CLASP1: variants seen among roughly 807,000 people sequenced by gnomAD.
The protein encoded by CLASP1 is CLIP-associating protein 1.
Under a neutral mutation model 192.3 loss-of-function variants are expected in CLASP1, and 38 were observed. That is an observed-to-expected ratio of 0.20 (90% CI 0.15 to 0.26). The LOEUF is 0.26. Ranked by LOEUF, CLASP1 falls within the 10% of genes least tolerant of loss-of-function variation. The pLI is 1.00. For synonymous variants in CLASP1, 691 were observed against 712.8 expected, an observed-to-expected ratio of 0.97 and a Z score of 0.49; for missense variants, 1,433 against 1,932.5, an observed-to-expected ratio of 0.74 and a Z score of 4.85.
chr2:121,401,500 A>G lies in CLASP1; in HGVS notation c.2900+9T>C. 6.2e-7 allele frequency: 1 copy of G among 1,602,384 alleles called. No homozygotes were observed. Among genetic ancestry groups the G allele is most frequent in the Non-Finnish European group, 8.5e-7 (1 of 1,175,930 alleles). The stretch of plus-strand genomic sequence containing the variant: ...AACATCAAAATGGACCTAACCCTTA[A>G]ACACTTACCTTGTGACATCTAGAGC... On this transcript the variant is annotated intron_variant, in intron 28 of 39. Transcript: ENST00000263710.
intron 32 of CLASP1, among the ~76,000 whole-genome samples, chr2:121,383,425 G>T (rs2072257320): frequency 6.6e-6 from 1 of 152,184 alleles, no homozygotes; most frequent in African/African-American, 2.4e-5. Context: ...CTGGGTTGGA[G>T]GTGAGGGCAT....
At chr2:121,467,308 C>A (rs183706648) in intron 9 of CLASP1, among the ~76,000 whole-genome samples, 12 of 152,234 alleles carry the variant, frequency 7.9e-5, no homozygotes, top group Middle Eastern at 3.4e-3. Flanking sequence ...GATTTATATT[C>A]CTTTGGGTAT....
intron 2 of CLASP1, among the ~76,000 whole-genome samples, chr2:121,584,848 G>A (rs1171986881): frequency 6.6e-6 from 1 of 152,110 alleles, no homozygotes; most frequent in Non-Finnish European, 1.5e-5. Context: ...TTGGCTGTTT[G>A]GGTACAATTT....
intron 33 of CLASP1, 124 bp from the exon 35 acceptor site, chr2:121,377,773 T>A (rs1001023467): frequency 1.5e-6 from 1 of 665,760 alleles, no homozygotes; most frequent in African/African-American, 1.8e-5. Flanking sequence ...ATTGGGTGAT[T>A]TGGAATGAAA....
At chr2:121,532,428 C>T (rs1042677884) in intron 2 of CLASP1, 4 of 152,150 alleles carry the variant, frequency 2.6e-5, no homozygotes, top group Non-Finnish European at 2.9e-5. Flanking sequence ...AACTGACAGA[C>T]GCAACCTCAG....
rs146763762 is a variant in CLASP1, at chr2:121,381,244, A to T, written c.3491+964T>A. ...ACTATGTAGATTATTTGTATTCCAC[A>T]AAAGTCAGAATGCAAATCTGCACAA... On this transcript the variant is annotated intron_variant, in intron 33 of 39. Transcript: ENST00000263710. 2.1e-3 allele frequency among the ~76,000 whole-genome samples: 320 copies of T among 152,330 alleles called. 2 individuals are homozygous for T. The highest frequency in any genetic ancestry group is 3.0e-3 in the Non-Finnish European group (201 of 68,042).
intron 22 of CLASP1, among the ~76,000 whole-genome samples, chr2:121,421,181 A>G (rs1310554240): frequency 2.6e-5 from 4 of 152,244 alleles, no homozygotes; most frequent in African/African-American, 9.6e-5. Flanking sequence ...AAAATACAAG[A>G]GAAATACAAA....
chr2:121,406,889 C>A (rs1217983872), intron 25 of CLASP1, among the ~76,000 whole-genome samples: 1 of 152,080 alleles, frequency 6.6e-6, no homozygotes, highest in African/African-American at 2.4e-5. Flanking sequence ...CTGTGTCCAC[C>A]CTACATCTTT....
intron 7 of CLASP1, among the ~76,000 whole-genome samples, chr2:121,508,126 T>C (rs531279343): frequency 3.3e-5 from 5 of 152,290 alleles, no homozygotes; most frequent in Non-Finnish European, 7.3e-5. Flanking sequence ...CTTAGCTCTT[T>C]TCTTGTCCTA....
chr2:121,371,213 GTGTGTGTA>G (rs1342971155), intron 34 of CLASP1, among the ~76,000 whole-genome samples: 1 of 152,052 alleles, frequency 6.6e-6, no homozygotes, highest in South Asian at 2.1e-4. Context: ...GTGTGTGTGT[GTGTGTGTA>G]TATATACATA....
At chr2:121,391,271 T>C (rs929610220) in intron 30 of CLASP1, among the ~76,000 whole-genome samples, 5 of 152,192 alleles carry the variant, frequency 3.3e-5, no homozygotes, top group Non-Finnish European at 5.9e-5. Context: ...TTCTTCCAAG[T>C]TTCCTTCTCC....
chr2:121,344,688 G>C (rs1022469553), intron 39 of CLASP1, among the ~76,000 whole-genome samples: 3 of 152,104 alleles, frequency 2.0e-5, no homozygotes, highest in African/African-American at 7.2e-5. Flanking sequence ...TGTAACACTG[G>C]AACACAGGGA....
chr2:121,348,668 G>T, exon 38 of CLASP1: 1 of 1,613,906 alleles, frequency 6.2e-7, no homozygotes, highest in Non-Finnish European at 8.5e-7. Context: ...ACTGCTCCGG[G>T]TGGATGGAAC....
chr2:121,585,560 C>T (rs2061624737), intron 2 of CLASP1, among the ~76,000 whole-genome samples: 1 of 152,102 alleles, frequency 6.6e-6, no homozygotes, highest in African/African-American at 2.4e-5. Context: ...AAACAAAAAA[C>T]AGATCAATTT....
At chr2:121,574,649 A>AAC (rs2060313716) in intron 2 of CLASP1, among the ~76,000 whole-genome samples, 2 of 149,394 alleles carry the variant, frequency 1.3e-5, no homozygotes, top group African/African-American at 4.9e-5. Context: ...AAAAAAAAAA[A>AAC]AAACAAAAAC....
intron 2 of CLASP1, among the ~76,000 whole-genome samples, chr2:121,531,177 T>A (rs981375750): frequency 6.6e-6 from 1 of 152,116 alleles, no homozygotes; most frequent in Admixed American, 6.6e-5. Flanking sequence ...TCAACAGAAC[T>A]TCACCCCTTT....
chr2:121,508,740 C>CT (rs538484857), intron 7 of CLASP1, among the ~76,000 whole-genome samples: 81 of 152,126 alleles, frequency 5.3e-4, no homozygotes, highest in Non-Finnish European at 1.0e-3. Context: ...CACACCCAGT[C>CT]TAAGAGACAC....
intron 2 of CLASP1, among the ~76,000 whole-genome samples, chr2:121,552,531 C>T (rs1242321398): frequency 1.3e-5 from 2 of 152,108 alleles, no homozygotes; most frequent in Non-Finnish European, 2.9e-5. Context: ...AGGCAAAGGA[C>T]ATGAACAGAC....
intron 2 of CLASP1, among the ~76,000 whole-genome samples, chr2:121,576,651 T>C (rs898675253): frequency 2.0e-5 from 3 of 152,112 alleles, no homozygotes; most frequent in Non-Finnish European, 2.9e-5. Flanking sequence ...ACCCCAAGAA[T>C]ATGCTCAAAT....
Sources: allele counts gnomAD v4.1 joint callset (sites outside exome capture counted in the v4.1 genomes callset), GRCh38; gene constraint gnomAD v4.1.1; transcripts MANE v1.5; gene names NCBI Gene and HGNC (gene_info 2026-07-23, HGNC 2026-07-21).